Variants in GFI1B observed in about 807,000 individuals in gnomAD.
GFI1B encodes the protein zinc finger protein Gfi-1b.
Under a neutral mutation model 35.3 loss-of-function variants are expected in GFI1B, and 20 were observed. That is an observed-to-expected ratio of 0.57 (90% CI 0.40 to 0.82). The LOEUF (loss-of-function observed/expected upper bound fraction) is 0.82, where lower values mean the gene tolerates loss of function less well. Among genes scored for constraint, GFI1B ranks in the 40% least tolerant of loss-of-function variants. The pLI is 0.00. For missense variants in GFI1B, 430 were observed against 446.3 expected, an observed-to-expected ratio of 0.96 and a Z score of 0.33; for synonymous variants, 178 against 177.6, an observed-to-expected ratio of 1.00 and a Z score of -0.02.
intron 1 of GFI1B, among the ~76,000 whole-genome samples, chr9:132,967,067 T>G (rs535908844): frequency 1.4e-4 from 21 of 152,240 alleles, no homozygotes; most frequent in Non-Finnish European, 2.6e-4. Flanking sequence ...CCCTCATCAG[T>G]AGATTAATGC....
At position 132,950,172 on chromosome 9, in the gene GFI1B, G is replaced by A. The variant is rs183040695; in HGVS notation, c.-701+4503G>A. Among the ~76,000 whole-genome samples, 65 of 152,180 alleles carry A rather than the reference G, an allele frequency of 4.3e-4. 1 individual carries two copies. The East Asian group carries it at 4.6e-3, about 11-fold the overall frequency. On this transcript the variant is annotated intron_variant, in intron 1 of 10. Transcript: ENST00000339463. The stretch of plus-strand genomic sequence containing the variant: ...CTTTTACCTGAGCTAGAAGATGTTC[G>A]CTTCTGTTCCTGACAACCAACACCA...
intron 3 of GFI1B, among the ~76,000 whole-genome samples, chr9:132,987,648 G>T (rs8193002): frequency 1.3e-4 from 20 of 152,018 alleles, no homozygotes; most frequent in African/African-American, 4.8e-4. Flanking sequence ...GGGCCGGTCC[G>T]TGCAGGGAGT....
chr9:132,969,553 G>A (rs1303334067), intron 1 of GFI1B, among the ~76,000 whole-genome samples: 1 of 152,176 alleles, frequency 6.6e-6, no homozygotes, highest in African/African-American at 2.4e-5. Context: ...CACTTGGGTT[G>A]CCTCTACCTT....
At chr9:132,986,889 A>G in intron 2 of GFI1B, 111 bp downstream of exon 2, 1 of 713,812 alleles carries the variant, frequency 1.4e-6, no homozygotes, top group Non-Finnish European at 2.5e-6. Flanking sequence ...CCAAGTCTGG[A>G]AACAGGAGTG....
upstream of GFI1B, among the ~76,000 whole-genome samples, chr9:132,975,973 G>C (rs979444626): frequency 2.6e-5 from 4 of 152,178 alleles, no homozygotes; most frequent in Non-Finnish European, 5.9e-5. Context: ...TGGCTGCCTG[G>C]CCACTGCTCT....
In GFI1B at chr9:132,988,572, C is replaced by T. The variant is rs568344962; in HGVS notation, c.510+104C>T. ...TCTCTGTGCTGTGAATGTTGGGGCT[C>T]TGGTGGGATTAAGGATTCAAAACGT... On this transcript the variant is annotated intron_variant, in intron 4 of 6. Coordinates refer to ENST00000372122, the MANE Select transcript of GFI1B (RefSeq NM_001377304.1). The T allele has an allele frequency of 5.8e-4, 629 of 1,076,352 alleles. 10 individuals are homozygous for T. The South Asian group carries it at 8.4e-3, about 14-fold the overall frequency. The allele number at this position is 1,076,352 out of a possible 1,614,324, so 66.7% of individuals were successfully genotyped here.
At chr9:132,960,873 C>T (rs936515609) in intron 1 of GFI1B, among the ~76,000 whole-genome samples, 1 of 151,860 alleles carries the variant, frequency 6.6e-6, no homozygotes, top group African/African-American at 2.4e-5. Context: ...TCCCTGATCA[C>T]GCCTCTACAC....
intron 1 of GFI1B, chr9:132,962,809 G>A (rs1253588582): frequency 1.3e-5 from 3 of 224,836 alleles, no homozygotes; most frequent in African/African-American, 4.7e-5. Context: ...AATGGCTCAC[G>A]CCTGTAATCC....
chr9:132,975,560 C>G (rs1848613729), upstream of GFI1B, among the ~76,000 whole-genome samples: 1 of 152,170 alleles, frequency 6.6e-6, no homozygotes, highest in African/African-American at 2.4e-5. Flanking sequence ...CTTGTCACCC[C>G]AAATTGTAAA....
intron 4 of GFI1B, 47 bp downstream of exon 4, chr9:132,988,515 C>T (rs1471371068): frequency 1.9e-6 from 3 of 1,567,680 alleles, no homozygotes; most frequent in East Asian, 2.2e-5. Context: ...CCTCTCCGCA[C>T]TCCCTCTCAA....
chr9:132,948,096 A>G (rs1393373955), intron 1 of GFI1B, among the ~76,000 whole-genome samples: 1 of 152,158 alleles, frequency 6.6e-6, no homozygotes, highest in East Asian at 1.9e-4. Context: ...TTCTCAGGCC[A>G]TATTTCATTT....
At chr9:132,984,846 T>G (rs1848978438) in intron 1 of GFI1B, among the ~76,000 whole-genome samples, 1 of 152,062 alleles carries the variant, frequency 6.6e-6, no homozygotes. Context: ...CTGGGCATAG[T>G]CGGGTCCCTC....
chr9:132,986,824 C>A, intron 2 of GFI1B, 46 bp downstream of exon 2: 1 of 1,175,370 alleles, frequency 8.5e-7, no homozygotes, highest in Non-Finnish European at 1.3e-6. Flanking sequence ...ACGGGGGGCT[C>A]TCTGCTCTGC....
chr9:132,983,600 G>T (rs1351756301), intron 1 of GFI1B, among the ~76,000 whole-genome samples: 1 of 152,196 alleles, frequency 6.6e-6, no homozygotes, highest in Non-Finnish European at 1.5e-5. Flanking sequence ...TGGCACAGTG[G>T]CTTGAGAGTA....
downstream of GFI1B, among the ~76,000 whole-genome samples, chr9:132,993,295 G>A (rs796189712): frequency 1.1e-4 from 17 of 152,088 alleles, no homozygotes; most frequent in Admixed American, 3.9e-4. Context: ...ACTCCATCTC[G>A]GAAACAAACA....
At chr9:132,971,598 G>A (rs1034033440) in intron 1 of GFI1B, among the ~76,000 whole-genome samples, 3 of 152,154 alleles carry the variant, frequency 2.0e-5, no homozygotes, top group African/African-American at 7.2e-5. Context: ...AAGAGAGACA[G>A]GAAAAGGGAA....
intron 1 of GFI1B, among the ~76,000 whole-genome samples, chr9:132,947,675 G>A (rs1848140057): frequency 6.6e-6 from 1 of 151,930 alleles, no homozygotes; most frequent in Non-Finnish European, 1.5e-5. Flanking sequence ...CAGGCGTGGT[G>A]GCGGGTACCT....
chr9:132,974,545 T>C (rs149119221), upstream of GFI1B, among the ~76,000 whole-genome samples: 1,033 of 131,764 alleles, frequency 7.8e-3, 16 homozygotes, highest in African/African-American at 0.028. Context: ...GAGGTTGCAG[T>C]GAGCCGAGAT....
chr9:132,971,463 G>A (rs1688804177), intron 1 of GFI1B, among the ~76,000 whole-genome samples: 1 of 152,166 alleles, frequency 6.6e-6, no homozygotes, highest in South Asian at 2.1e-4. Context: ...CCTAAGACAG[G>A]AGGGTTGAAG....
Sources: gnomAD v4.1 joint callset for allele counts (sites outside exome capture counted in the v4.1 genomes callset) on GRCh38, gnomAD v4.1.1 for gene constraint, MANE v1.5 for transcripts, NCBI Gene and HGNC (gene_info 2026-07-23, HGNC 2026-07-21) for gene names.